KCNAB1: variants seen among roughly 807,000 people sequenced by gnomAD.
KCNAB1 encodes the protein potassium voltage-gated channel subfamily A regulatory beta subunit 1.
In KCNAB1, 35 loss-of-function variants were observed where a neutral mutation model predicts 64.6. That is an observed-to-expected ratio of 0.54 (90% confidence interval 0.41 to 0.72). KCNAB1 has a LOEUF of 0.72. KCNAB1 is among the 30% of genes least tolerant of loss of function. The pLI is 0.00. For missense variants in KCNAB1, 401 were observed against 512.9 expected, an observed-to-expected ratio of 0.78 and a Z score of 2.11; for synonymous variants, 177 against 183.8, an observed-to-expected ratio of 0.96 and a Z score of 0.30.
At chr3:156,261,676 A>G (rs1167827840) in intron 1 of KCNAB1, among the ~76,000 whole-genome samples, 1 of 151,912 alleles carries the variant, frequency 6.6e-6, no homozygotes, top group Non-Finnish European at 1.5e-5. Flanking sequence ...TAGATCATGT[A>G]AGTTCTCTTT....
At chr3:156,477,761 G>A (rs1714477733) in intron 8 of KCNAB1, among the ~76,000 whole-genome samples, 1 of 152,114 alleles carries the variant, frequency 6.6e-6, no homozygotes. Flanking sequence ...CCGGGGGAAG[G>A]TACTGATCTG....
chr3:156,204,552 C>G (rs779951483), intron 1 of KCNAB1, among the ~76,000 whole-genome samples: 4 of 150,864 alleles, frequency 2.7e-5, no homozygotes, highest in Non-Finnish European at 5.9e-5. Flanking sequence ...GCAAGCTGGC[C>G]GGCCATGGTG....
intron 1 of KCNAB1, among the ~76,000 whole-genome samples, chr3:156,158,176 T>TAAAA (rs1293018977): frequency 7.7e-4 from 24 of 31,350 alleles, no homozygotes; most frequent in African/African-American, 2.4e-3. Flanking sequence ...AAAAAAAAAA[T>TAAAA]AAAAAATAAA....
intron 1 of KCNAB1, among the ~76,000 whole-genome samples, chr3:156,252,009 T>G (rs901924877): frequency 4.4e-4 from 67 of 152,204 alleles, no homozygotes; most frequent in African/African-American, 1.6e-3. Flanking sequence ...TCTCGCCCAG[T>G]CTGGTGACAG....
intron 8 of KCNAB1, among the ~76,000 whole-genome samples, chr3:156,501,681 C>G (rs949734263): frequency 1.3e-5 from 2 of 152,140 alleles, no homozygotes; most frequent in South Asian, 2.1e-4. Context: ...ATCCACCCCC[C>G]TCAGCCTCCC....
intron 6 of KCNAB1, among the ~76,000 whole-genome samples, chr3:156,465,127 T>G (rs1201342180): frequency 1.3e-5 from 2 of 152,174 alleles, no homozygotes; most frequent in South Asian, 4.1e-4. Context: ...TGATTAAGGG[T>G]CTGTCTTCTG....
intron 8 of KCNAB1, among the ~76,000 whole-genome samples, chr3:156,498,036 C>T (rs75285317): frequency 0.014 from 2,127 of 152,210 alleles, 50 homozygotes; most frequent in African/African-American, 0.049. Context: ...AAAAGAGCCC[C>T]TGTCAAAGCA....
At chr3:156,136,514 C>T (rs1714355163) in intron 1 of KCNAB1, among the ~76,000 whole-genome samples, 1 of 152,222 alleles carries the variant, frequency 6.6e-6, no homozygotes, top group Admixed American at 6.5e-5. Flanking sequence ...GCAAGCATTA[C>T]TTCAGTGTTG....
At chr3:156,426,889 A>G (rs1469726875) in intron 2 of KCNAB1, among the ~76,000 whole-genome samples, 1 of 152,234 alleles carries the variant, frequency 6.6e-6, no homozygotes, top group Non-Finnish European at 1.5e-5. Flanking sequence ...ACCTTGCTCA[A>G]GCTTGTGATA....
intron 8 of KCNAB1, among the ~76,000 whole-genome samples, chr3:156,505,149 T>C (rs1276561672): frequency 6.6e-6 from 1 of 152,156 alleles, no homozygotes; most frequent in Admixed American, 6.5e-5. Flanking sequence ...TTCCCAGAAC[T>C]ATTTATTGAA....
At chr3:156,305,491 A>G (rs1274746976) in intron 1 of KCNAB1, among the ~76,000 whole-genome samples, 1 of 152,168 alleles carries the variant, frequency 6.6e-6, no homozygotes, top group Non-Finnish European at 1.5e-5. Flanking sequence ...TTAATTCTCT[A>G]TGAGACTTGT....
chr3:156,126,799 T>C (rs1713682869), intron 1 of KCNAB1, among the ~76,000 whole-genome samples: 1 of 151,174 alleles, frequency 6.6e-6, no homozygotes, highest in Non-Finnish European at 1.5e-5. Flanking sequence ...ATGATGGCAG[T>C]AATACCTTAG....
chr3:156,195,077 T>C (rs150373496), intron 1 of KCNAB1, among the ~76,000 whole-genome samples: 83 of 152,300 alleles, frequency 5.4e-4, no homozygotes, highest in African/African-American at 1.9e-3. Context: ...AGAATGATGG[T>C]TTCCAGCTTC....
At chr3:156,487,745 T>TATC (rs1160124220) in intron 8 of KCNAB1, among the ~76,000 whole-genome samples, 10 of 152,156 alleles carry the variant, frequency 6.6e-5, no homozygotes, top group Admixed American at 6.6e-4. Flanking sequence ...GAAAGCATTG[T>TATC]ATCATCGCCT....
rs183197839 is a variant in KCNAB1, at chr3:156,174,703, G to A, written c.275+53817G>A. On this transcript the variant is annotated intron_variant, in intron 1 of 13. Transcript: ENST00000490337. ...GAGGTCGAGAAGAGCTGGAGGGGCT[G>A]ATATTTAGCCAATGTGGTCGCTTCC... 7.2e-5 allele frequency among the ~76,000 whole-genome samples: 11 copies of A among 152,292 alleles called. No individual in the cohort carries two copies. The East Asian group carries it at 1.3e-3, about 19-fold the overall frequency.
chr3:156,479,200 T>C (rs1341577625), intron 8 of KCNAB1, among the ~76,000 whole-genome samples: 2 of 152,166 alleles, frequency 1.3e-5, no homozygotes, highest in African/African-American at 4.8e-5. Context: ...CTCCTTCTTA[T>C]GGGTCTGTGT....
intron 1 of KCNAB1, among the ~76,000 whole-genome samples, chr3:156,221,236 T>C (rs1715711047): frequency 6.6e-6 from 1 of 152,234 alleles, no homozygotes; most frequent in South Asian, 2.1e-4. Flanking sequence ...TAAAGTAGTT[T>C]TTTCCAATTT....
intron 1 of KCNAB1, among the ~76,000 whole-genome samples, chr3:156,277,708 G>A (rs1719426231): frequency 6.6e-6 from 1 of 152,170 alleles, no homozygotes; most frequent in Non-Finnish European, 1.5e-5. Context: ...ACAAACACAG[G>A]ACTGCAGATA....
chr3:156,387,333 A>G (rs186127525), intron 1 of KCNAB1, among the ~76,000 whole-genome samples: 2 of 152,288 alleles, frequency 1.3e-5, no homozygotes, highest in Admixed American at 6.5e-5. Context: ...ACAGAGAGAC[A>G]AGCCCAAAGG....
Sources: allele counts gnomAD v4.1 joint callset (sites outside exome capture counted in the v4.1 genomes callset), GRCh38; gene constraint gnomAD v4.1.1; transcripts MANE v1.5; gene names NCBI Gene and HGNC (gene_info 2026-07-23, HGNC 2026-07-21).